ADGRV1: variants seen among roughly 807,000 people sequenced by gnomAD.
ADGRV1 encodes G-protein coupled receptor 98.
Under a neutral mutation model 596.2 loss-of-function variants are expected in ADGRV1, and 359 were observed. The ratio of observed to expected loss-of-function variants is 0.60; its 90% CI spans 0.55 to 0.66. ADGRV1 has a LOEUF of 0.66. Ranked by LOEUF, ADGRV1 falls within the 30% of genes least tolerant of loss-of-function variation. ADGRV1 has a pLI of 0.00. For missense variants in ADGRV1, 7,274 were observed against 7,575.6 expected, an observed-to-expected ratio of 0.96 and a Z score of 1.48; for synonymous variants, 2,681 against 2,679.2, an observed-to-expected ratio of 1.00 and a Z score of -0.02.
chr5:90,719,010 T>C (rs1014750), intron 43 of ADGRV1, among the ~76,000 whole-genome samples: 110,668 of 151,852 alleles, frequency 0.73, 41,165 homozygotes, highest in African/African-American at 0.87. Flanking sequence ...AAGATATATA[T>C]ATACATACAT....
intron 20 of ADGRV1, among the ~76,000 whole-genome samples, chr5:90,656,981 T>C (rs530377854): frequency 3.3e-5 from 5 of 152,220 alleles, no homozygotes; most frequent in Admixed American, 6.5e-5. Context: ...TTACATCTAT[T>C]CTCTTAGTTG....
Position 90,629,355 on chromosome 5 carries a change from G to C in ADGRV1, c.1655G>C (p.Arg552Thr), listed in dbSNP as rs746323506. 23 of 1,613,496 alleles carry C rather than the reference G, an allele frequency of 1.4e-5. No homozygotes were observed. The South Asian group carries it at 2.5e-4, about 18-fold the overall frequency. ...CTAGGAGGGACTAAAGGAGATGTGAGGTTGCTTTATTCTGTACTTTACATT... is the reference window on the plus strand; with the variant it reads ...CTAGGAGGGACTAAAGGAGATGTGACGTTGCTTTATTCTGTACTTTACATT... ...TRLGGTKGDV[R>T]LLYSVLYIPA... Residue 552 changes from arginine (R) to threonine (T), a missense_variant, in exon 9 of 90, where the codon AGG becomes ACG. Around this residue, in one of 5 missense-constraint regions of ADGRV1, gnomAD observed 1,715 missense variants for 1,708.8 expected, o/e 1.00. Transcript: ENST00000405460.
chr5:91,096,597 T>G (rs1360638013), intron 86 of ADGRV1, among the ~76,000 whole-genome samples: 1 of 152,238 alleles, frequency 6.6e-6, no homozygotes, highest in East Asian at 1.9e-4. Context: ...AATTTAAGTA[T>G]GTAAATTAAG....
intron 83 of ADGRV1, among the ~76,000 whole-genome samples, chr5:90,869,734 T>G (rs1431123179): frequency 6.6e-6 from 1 of 152,218 alleles, no homozygotes; most frequent in Non-Finnish European, 1.5e-5. Flanking sequence ...AACATTAATG[T>G]AATATTTATT....
At chr5:91,032,099 G>A (rs928734471) in intron 85 of ADGRV1, among the ~76,000 whole-genome samples, 1 of 152,172 alleles carries the variant, frequency 6.6e-6, no homozygotes, top group African/African-American at 2.4e-5. Flanking sequence ...AAGATTTAAG[G>A]GAGGCAGGAA....
At chr5:90,666,297 C>G (rs1162352198) in intron 21 of ADGRV1, among the ~76,000 whole-genome samples, 1 of 151,958 alleles carries the variant, frequency 6.6e-6, no homozygotes, top group Non-Finnish European at 1.5e-5. Context: ...TGTGGGTGCT[C>G]CTTTGTTGGG....
Position 90,783,889 on chromosome 5 carries a change from G to A in ADGRV1, c.13485G>A (p.Ala4495=), listed in dbSNP as rs139281300. ...TACTCACTGGAGCTACTGGAGGAGC[G>A]GTCCTTGGGCGCCACCTAGTGAGCA... ...EILLTGATGG[A]VLGRHLVSRI... The change falls in exon 67 of 90, where the codon GCG becomes GCA. Residue 4495 remains alanine (A), a synonymous_variant. Transcript: ENST00000405460. 121 of 1,611,806 alleles carry A rather than the reference G, an allele frequency of 7.5e-5. No individual in the cohort carries two copies. The highest frequency in any genetic ancestry group is 5.6e-4 in the African/African-American group (42 of 74,996).
At chr5:90,948,666 ACAT>A (rs1776805460) in intron 83 of ADGRV1, among the ~76,000 whole-genome samples, 1 of 152,118 alleles carries the variant, frequency 6.6e-6, no homozygotes, top group African/African-American at 2.4e-5. Flanking sequence ...TACCTGTCAA[ACAT>A]CATAGCCTAA....
At chr5:91,032,547 C>G (rs947990485) in intron 85 of ADGRV1, among the ~76,000 whole-genome samples, 53 of 151,846 alleles carry the variant, frequency 3.5e-4, no homozygotes, top group African/African-American at 1.2e-3. Flanking sequence ...GAGTCATTAA[C>G]CACCTTGTCT....
At chr5:91,153,466 T>G in intron 89 of ADGRV1, 68 bp downstream of exon 89, 1 of 1,227,886 alleles carries the variant, frequency 8.1e-7, no homozygotes. Context: ...ATATTTTCTT[T>G]CCATGAAGTT....
At chr5:91,130,522 C>CAAAA (rs11423089) in intron 87 of ADGRV1, among the ~76,000 whole-genome samples, 19 of 73,262 alleles carry the variant, frequency 2.6e-4, no homozygotes, top group Non-Finnish European at 3.0e-4. Context: ...AACTCCATCT[C>CAAAA]AAAAAAAAAA....
intron 85 of ADGRV1, among the ~76,000 whole-genome samples, chr5:91,018,843 T>C (rs1581803275): frequency 6.6e-6 from 1 of 151,978 alleles, no homozygotes; most frequent in Non-Finnish European, 1.5e-5. Context: ...GGCGAATGAC[T>C]GGCTTCAATC....
chr5:90,702,897 C>T (rs1484006578), intron 34 of ADGRV1, among the ~76,000 whole-genome samples: 1 of 151,922 alleles, frequency 6.6e-6, no homozygotes, highest in African/African-American at 2.4e-5. Context: ...TTGTGTTCAT[C>T]ATCATATAAA....
chr5:90,661,662 A>G (rs1194573555), intron 21 of ADGRV1, among the ~76,000 whole-genome samples: 1 of 152,194 alleles, frequency 6.6e-6, no homozygotes, highest in Non-Finnish European at 1.5e-5. Flanking sequence ...GATGATCTGA[A>G]TATTTGGCAA....
Position 90,805,355 on chromosome 5 carries a change from G to A in ADGRV1, c.14733G>A (p.Arg4911=). 1.2e-6 allele frequency: 2 copies of A among 1,612,626 alleles called. No individual in the cohort carries two copies. The highest frequency in any genetic ancestry group is 1.1e-5 in the South Asian group (1 of 90,862). Residue 4911 remains arginine, a synonymous_variant, in exon 72 of 90, where the codon AGG becomes AGA. Transcript: ENST00000405460. The stretch of plus-strand genomic sequence containing the variant: ...GCACAAGCCACGTTATGATTTCTAG[G>A]AGAGGCACATATGGAGCTCTCTCGG... ...TAGTSHVMIS[R]RGTYGALSVA...
intron 85 of ADGRV1, among the ~76,000 whole-genome samples, chr5:90,999,023 G>T (rs183099688): frequency 6.6e-6 from 1 of 151,744 alleles, no homozygotes; most frequent in Non-Finnish European, 1.5e-5. Flanking sequence ...TGGATTACTT[G>T]TTCATCTCCC....
chr5:90,969,755 T>C (rs771632080), intron 84 of ADGRV1, among the ~76,000 whole-genome samples: 1 of 152,200 alleles, frequency 6.6e-6, no homozygotes, highest in Non-Finnish European at 1.5e-5. Flanking sequence ...AGTTCCAAGA[T>C]GGCCAAATAG....
chr5:90,692,900 A>G (rs1746670644), intron 32 of ADGRV1, 114 bp downstream of exon 32: 2 of 721,650 alleles, frequency 2.8e-6, no homozygotes, highest in Non-Finnish European at 4.4e-6. Context: ...TATGCCATAA[A>G]TTATTTTATA....
At position 90,757,002 on chromosome 5, in the gene ADGRV1, C is replaced by G; in HGVS notation, c.11781C>G (p.Ala3927=). 1 of 1,611,516 alleles carries G rather than the reference C, an allele frequency of 6.2e-7. No individual in the cohort carries two copies. Among genetic ancestry groups the G allele is most frequent in the Non-Finnish European group, 8.5e-7 (1 of 1,178,666 alleles). ...VTRGAGEVIT[A]YEVPPPLNVL... Reference sequence around the variant, plus strand: ...AGGGCGCTGGGGAAGTTATTACTGCCTATGAGGTGCCTCCACCCTTGAACG... The same window carrying G: ...AGGGCGCTGGGGAAGTTATTACTGCGTATGAGGTGCCTCCACCCTTGAACG... The change falls in exon 57 of 90, where the codon GCC becomes GCG. Residue 3927 remains alanine (A), a synonymous_variant. Transcript: ENST00000405460.
Sources: allele counts gnomAD v4.1 joint callset (sites outside exome capture counted in the v4.1 genomes callset), GRCh38; gene constraint gnomAD v4.1.1; regional missense constraint gnomAD v4.1.1; transcripts MANE v1.5; gene names NCBI Gene and HGNC (gene_info 2026-07-23, HGNC 2026-07-21).